Variants in CPO observed in about 807,000 individuals in gnomAD.
CPO encodes carboxypeptidase O, also known as metallocarboxypeptidase C.
CPO carries 43 observed loss-of-function variants against 41.2 expected under a neutral mutation model. That is an observed-to-expected ratio of 1.04 (90% CI 0.82 to 1.35). The LOEUF (loss-of-function observed/expected upper bound fraction) is 1.35. Ranked by LOEUF, CPO falls within the 40% of genes most tolerant of loss-of-function variation. CPO has a pLI of 0.00. For missense variants in CPO, 408 were observed against 451.7 expected (o/e 0.90, Z 0.88); for synonymous variants, 178 against 162.7 (o/e 1.09, Z -0.72).
At chr2:206,950,505 T>C (rs1345238902) in intron 2 of CPO, among the ~76,000 whole-genome samples, 1 of 152,222 alleles carries the variant, frequency 6.6e-6, no homozygotes, top group African/African-American at 2.4e-5. Flanking sequence ...TCAACCATTG[T>C]GGAAGACAGT....
intron 2 of CPO, among the ~76,000 whole-genome samples, chr2:206,953,238 T>G (rs1010493559): frequency 6.6e-6 from 1 of 152,168 alleles, no homozygotes; most frequent in Non-Finnish European, 1.5e-5. Context: ...AAGTCCACAG[T>G]TGAAAGTCTC....
chr2:206,954,350 T>G (rs1235723903), intron 2 of CPO, among the ~76,000 whole-genome samples: 1 of 152,078 alleles, frequency 6.6e-6, no homozygotes, highest in Non-Finnish European at 1.5e-5. Flanking sequence ...AGTTCAAAGT[T>G]CCACAGATCT....
chr2:206,947,388 C>G (rs1438749400), intron 1 of CPO, among the ~76,000 whole-genome samples: 2 of 152,120 alleles, frequency 1.3e-5, no homozygotes, highest in African/African-American at 4.8e-5. Flanking sequence ...ATCGCACCTT[C>G]ACAAATATTA....
At chr2:206,955,649 T>G in intron 3 of CPO, 85 bp downstream of exon 3, 1 of 839,498 alleles carries the variant, frequency 1.2e-6, no homozygotes, top group East Asian at 2.4e-5. Context: ...TAATCAGAAG[T>G]GTGGAAAAGA....
In CPO at chr2:206,959,735, G is replaced by T; in HGVS notation, c.477G>T (p.Trp159Cys). The change falls in exon 5 of 9, where the codon TGG becomes TGT. Residue 159 changes from tryptophan to cysteine, a missense_variant. Physicochemically the swap from Trp to Cys is radical, Grantham distance 215 (BLOSUM62 -2). Coordinates refer to ENST00000272852, the MANE Select transcript of CPO (RefSeq NM_173077.3). ...ACATAGATGGTTATATCTACACTTG[G>T]ACAACTGTGAGTACACCATGTTTGG... ...VLNIDGYIYT[W>C]TTDRLWRKSR... is the part of the protein sequence containing the mutation. 2 of 1,418,758 alleles carry T rather than the reference G, an allele frequency of 1.4e-6. No individual in the cohort carries two copies. Among genetic ancestry groups the T allele is most frequent in the Non-Finnish European group, 2.0e-6 (2 of 1,002,262 alleles). The allele number at this position is 1,418,758 out of a possible 1,614,324, so 87.9% of individuals were successfully genotyped here.
chr2:206,966,828 C>T (rs1693583903), intron 7 of CPO, among the ~76,000 whole-genome samples: 1 of 152,210 alleles, frequency 6.6e-6, no homozygotes, highest in African/African-American at 2.4e-5. Context: ...ACACTGCCCA[C>T]AACCGTCCAG....
At chr2:206,968,660 T>C (rs998988110) in intron 8 of CPO, among the ~76,000 whole-genome samples, 3 of 152,176 alleles carry the variant, frequency 2.0e-5, no homozygotes, top group African/African-American at 4.8e-5. Flanking sequence ...CCACTGACCT[T>C]TGGTCAGTCA....
intron 3 of CPO, among the ~76,000 whole-genome samples, chr2:206,956,780 A>C (rs1217963884): frequency 1.3e-5 from 2 of 152,144 alleles, no homozygotes; most frequent in African/African-American, 2.4e-5. Flanking sequence ...TAGGTGTGTT[A>C]ATTTACAAAG....
chr2:206,944,554 T>A lies in CPO; in HGVS notation c.68+4887T>A, dbSNP rs188163107. On this transcript the variant is annotated intron_variant, in intron 1 of 8. Transcript: ENST00000272852. ...ACATTTATTTCTTTTAATCTTCTTT[T>A]AAAATTCATTTTCATTGTTTTAACC... is the stretch of plus-strand genomic sequence containing the variant. 3.1e-3 allele frequency among the ~76,000 whole-genome samples: 471 copies of A among 152,202 alleles called. 1 individual carries two copies. The highest frequency in any genetic ancestry group is 5.6e-3 in the Non-Finnish European group (377 of 67,926).
chr2:206,941,782 A>T (rs1693034022), intron 1 of CPO, among the ~76,000 whole-genome samples: 1 of 152,178 alleles, frequency 6.6e-6, no homozygotes, highest in South Asian at 2.1e-4. Context: ...TAGAAAATTT[A>T]AAATTAATAA....
intron 2 of CPO, among the ~76,000 whole-genome samples, chr2:206,955,156 G>T (rs1693334658): frequency 6.6e-6 from 1 of 152,214 alleles, no homozygotes; most frequent in Non-Finnish European, 1.5e-5. Context: ...GCTAAGGCTG[G>T]TGGTCAATTG....
At position 206,943,714 on chromosome 2, in the gene CPO, AGATG is replaced by A. The variant is rs757144852; in HGVS notation, c.68+4048_68+4051del. 1.7e-3 allele frequency among the ~76,000 whole-genome samples: 119 copies of A among 71,426 alleles called. 2 individuals carry two copies. The highest frequency in any genetic ancestry group is 5.7e-3 in the African/African-American group (105 of 18,552). 46.9% of individuals were successfully genotyped at this position (71,426 alleles called of 152,430 possible). On this transcript the variant is annotated intron_variant, in intron 1 of 8. Transcript: ENST00000272852. ...TAGATAGATAGATAGATAGATAGATAGATGATGGATAGATGATAGATAGATAGAT... is the reference window on the plus strand; with the variant it reads ...TAGATAGATAGATAGATAGATAGATAATGGATAGATGATAGATAGATAGAT...
chr2:206,955,439 C>T (rs368385829), intron 2 of CPO, 24 bp from the exon 3 acceptor site: 134 of 1,375,634 alleles, frequency 9.7e-5, no homozygotes, highest in Non-Finnish European at 1.3e-4. Context: ...TACTGATAGC[C>T]ACAGTCCTCC....
chr2:206,949,785 C>G (rs1440646251), intron 2 of CPO, 72 bp downstream of exon 2: 2 of 924,286 alleles, frequency 2.2e-6, no homozygotes, highest in Non-Finnish European at 3.6e-6. Context: ...GAATGGTTCA[C>G]TAGTAATATC....
At chr2:206,966,999 C>A (rs2105830279) in intron 7 of CPO, among the ~76,000 whole-genome samples, 1 of 152,242 alleles carries the variant, frequency 6.6e-6, no homozygotes, top group Non-Finnish European at 1.5e-5. Flanking sequence ...TAAAATGAGA[C>A]CTGTCCCTAG....
intron 1 of CPO, among the ~76,000 whole-genome samples, chr2:206,943,931 C>A (rs1693093340): frequency 6.6e-6 from 1 of 152,040 alleles, no homozygotes; most frequent in South Asian, 2.1e-4. Context: ...AGTTTGTGCA[C>A]CATTTAATTG....
At chr2:206,942,274 A>G (rs918994706) in intron 1 of CPO, among the ~76,000 whole-genome samples, 9 of 152,148 alleles carry the variant, frequency 5.9e-5, no homozygotes, top group African/African-American at 2.2e-4. Flanking sequence ...ATGCACAGAT[A>G]AAAGTCTGGA....
chr2:206,939,634 G>T lies in CPO; in HGVS notation c.35G>T (p.Gly12Val). The T allele has an allele frequency of 1.2e-6, 2 of 1,611,324 alleles. No individual in the cohort carries two copies. ...CTGCTTGAAACCCTTTATCTTTTGG[G>T]GATGCTGGTTCCTGGAGGGCTGGGA... is the stretch of plus-strand genomic sequence containing the variant. ...KPLLETLYLL[G>V]MLVPGGLGYD... The change falls in exon 1 of 9, where the codon GGG (glycine) becomes GTG (valine). Residue 12 changes from glycine to valine, a missense_variant. Coordinates refer to ENST00000272852, the MANE Select transcript of CPO (RefSeq NM_173077.3).
chr2:206,953,024 G>A (rs1693294179), intron 2 of CPO, among the ~76,000 whole-genome samples: 1 of 152,082 alleles, frequency 6.6e-6, no homozygotes, highest in African/African-American at 2.4e-5. Flanking sequence ...CCCACCCCAT[G>A]ATTCAATTAC....
Sources: allele counts gnomAD v4.1 joint callset (sites outside exome capture counted in the v4.1 genomes callset), GRCh38; gene constraint gnomAD v4.1.1; transcripts MANE v1.5; gene names NCBI Gene and HGNC (gene_info 2026-07-23, HGNC 2026-07-21).